The following PRDM15 variants were observed in gnomAD, a reference collection of about 807,000 sequenced individuals.
PRDM15 encodes the protein PR domain zinc finger protein 15.
Under a neutral mutation model 128.6 loss-of-function variants are expected in PRDM15, and 64 were observed. The ratio of observed to expected loss-of-function variants is 0.50; its 90% confidence interval spans 0.41 to 0.61. The LOEUF is 0.61. Among genes scored for constraint, PRDM15 ranks in the 20% least tolerant of loss-of-function variants. The probability of loss-of-function intolerance (pLI) is 0.00; values close to 1 mark genes in which losing one functional copy is unlikely to be tolerated. For missense variants in PRDM15, 1,242 were observed against 1,569.1 expected (o/e 0.79, Z 3.52); for synonymous variants, 615 against 621.8 (o/e 0.99, Z 0.16).
chr21:41,815,496 T>C (rs1412919695), intron 19 of PRDM15, among the ~76,000 whole-genome samples: 2 of 152,188 alleles, frequency 1.3e-5, no homozygotes, highest in Non-Finnish European at 2.9e-5. Flanking sequence ...TGCAGCATGC[T>C]CTCCGGTGAC....
rs959940842 is a variant in PRDM15 at position 41,812,682 on chromosome 21, T to C, written c.2393-1846A>G. 7 of 152,092 alleles carry C rather than the reference T, an allele frequency of 4.6e-5. 1 individual carries two copies. The highest frequency in any genetic ancestry group is 1.3e-4 in the Admixed American group (2 of 15,272). The allele number at this position is 152,092 out of a possible 1,614,324, so 9.4% of individuals were successfully genotyped here. On this transcript the variant is annotated intron_variant, in intron 19 of 23. Coordinates refer to ENST00000398548, the MANE Select transcript of PRDM15 (RefSeq NM_001040424.3). ...CCAACAGACGGCCACGTGAGGAAAG[T>C]TGAGAGGACATTCCTCAGAAGCTAA...
intron 1 of PRDM15, among the ~76,000 whole-genome samples, chr21:41,870,045 G>A (rs2146004915): frequency 6.6e-6 from 1 of 152,280 alleles, no homozygotes; most frequent in East Asian, 1.9e-4. Context: ...TGGGCAGAAT[G>A]GTTCCTCCCA....
Position 41,801,285 on chromosome 21 carries a change from G to C in PRDM15, c.3381C>G (p.Pro1127=). ...GCTGCTGCTGCTCCGCCTGCACCTG[G>C]GGCTGGGCCGCCTGCTGTGGGGGTG... ...PQAPPQQAAQ[P]QVQAEQQQQQ... The change falls in exon 24 of 24, where the codon CCC becomes CCG. Residue 1127 remains proline, a synonymous_variant. Transcript: ENST00000398548. 2.6e-6 allele frequency: 4 copies of C among 1,554,998 alleles called. No homozygotes were observed. Among genetic ancestry groups the C allele is most frequent in the Non-Finnish European group, 2.6e-6 (3 of 1,149,558 alleles).
rs112163465 is a variant in PRDM15 at position 41,816,105 on chromosome 21, C to T, written c.2261-269G>A. The stretch of plus-strand genomic sequence containing the variant: ...CCTGACCACGCGAGCAACGCCGGGG[C>T]GGTGGGTAAACTTCCCTGCGTGCCC... On this transcript the variant is annotated intron_variant, in intron 18 of 23. Transcript: ENST00000398548. Among the ~76,000 whole-genome samples, 34 of 152,362 alleles carry T rather than the reference C, an allele frequency of 2.2e-4. 1 individual carries two copies. Among genetic ancestry groups the T allele is most frequent in the African/African-American group, 6.3e-4 (26 of 41,580 alleles).
chr21:41,823,119 C>T (rs1055850863), intron 14 of PRDM15, 199 bp downstream of exon 14: 11 of 678,942 alleles, frequency 1.6e-5, no homozygotes, highest in South Asian at 6.3e-5. Context: ...GAGAAGGCGC[C>T]GTCTACGAAC....
At chr21:41,846,641 G>A (rs1329253068) in intron 6 of PRDM15, among the ~76,000 whole-genome samples, 1 of 152,232 alleles carries the variant, frequency 6.6e-6, no homozygotes, top group Non-Finnish European at 1.5e-5. Flanking sequence ...AGGCTGCAGT[G>A]AGCCACGATC....
chr21:41,846,342 C>T (rs2063263756), intron 6 of PRDM15, among the ~76,000 whole-genome samples: 1 of 152,258 alleles, frequency 6.6e-6, no homozygotes, highest in South Asian at 2.1e-4. Flanking sequence ...CAGAGCACTG[C>T]AGAAGCTGGA....
At chr21:41,822,074 C>G (rs747022800) in intron 14 of PRDM15, 37 bp from the exon 15 acceptor site, 1 of 1,611,650 alleles carries the variant, frequency 6.2e-7, no homozygotes, top group Non-Finnish European at 8.5e-7. Context: ...TCTAACAGCG[C>G]AGCAGACGCT....
chr21:41,836,201 T>C lies in PRDM15; in HGVS notation c.1190A>G (p.Lys397Arg). 4 of 1,613,910 alleles carry C rather than the reference T, an allele frequency of 2.5e-6. No homozygotes were observed. The highest frequency in any genetic ancestry group is 3.4e-6 in the Non-Finnish European group (4 of 1,179,896). Residue 397 changes from lysine (K) to arginine (R), a missense_variant, in exon 10 of 24, where the codon AAG (lysine) becomes AGG (arginine). By Grantham distance (26) the Lys-to-Arg change is conservative. Around this residue, in one of 3 missense-constraint regions of PRDM15, gnomAD observed 612 missense variants for 717.0 expected, o/e 0.85. Coordinates refer to ENST00000398548, the MANE Select transcript of PRDM15 (RefSeq NM_001040424.3). ...TGCACACTCTTCGCACTTAAACAGC[T>C]TGTCACCTGAGGAACCAACCAACAG... The part of the protein sequence containing the change: ...LSRHVRSHGD[K>R]LFKCEECAKL...
At chr21:41,830,245 C>G (rs2062636590) in intron 11 of PRDM15, among the ~76,000 whole-genome samples, 1 of 150,218 alleles carries the variant, frequency 6.7e-6, no homozygotes, top group Non-Finnish European at 1.5e-5. Context: ...TCAANACACA[C>G]CACACACACA....
intron 1 of PRDM15, chr21:41,861,666 A>AC: frequency 6.2e-7 from 1 of 1,613,738 alleles, no homozygotes; most frequent in Non-Finnish European, 8.5e-7. Flanking sequence ...CACGCCCTCC[A>AC]CCCCGCTCAT....
intron 13 of PRDM15, among the ~76,000 whole-genome samples, chr21:41,824,343 G>A (rs1249646133): frequency 6.6e-6 from 1 of 152,194 alleles, no homozygotes; most frequent in African/African-American, 2.4e-5. Context: ...GGTGAAAGGT[G>A]AGCAGGAGAG....
chr21:41,864,131 C>T lies in PRDM15; in HGVS notation c.-9-3759G>A, dbSNP rs1214273174. Among the ~76,000 whole-genome samples, 12 of 152,182 alleles carry T rather than the reference C, an allele frequency of 7.9e-5. No homozygotes were observed. The East Asian group carries it at 9.7e-4, about 12-fold the overall frequency. ...TGCTGGGATTACAGGTGTCAGCCAC[C>T]GCGCCTGGCCTGCATTTTTTTACAA... is the stretch of plus-strand genomic sequence containing the variant. On this transcript the variant is annotated intron_variant, in intron 1 of 23. Coordinates refer to ENST00000398548, the MANE Select transcript of PRDM15 (RefSeq NM_001040424.3).
At chr21:41,865,639 T>C (rs1347555933) in intron 1 of PRDM15, among the ~76,000 whole-genome samples, 3 of 152,208 alleles carry the variant, frequency 2.0e-5, no homozygotes, top group Admixed American at 1.3e-4. Flanking sequence ...CTCCCTTCAA[T>C]TACTCTCACA....
rs764913942 is a variant in PRDM15, at chr21:41,839,726, A to G, written c.768T>C (p.Asn256=). 6.2e-7 allele frequency: 1 copy of G among 1,614,148 alleles called. No homozygotes were observed. The highest frequency in any genetic ancestry group is 8.5e-7 in the Non-Finnish European group (1 of 1,180,024). Residue 256 remains asparagine, a synonymous_variant, in exon 7 of 24, where the codon AAT becomes AAC. Coordinates refer to ENST00000398548, the MANE Select transcript of PRDM15 (RefSeq NM_001040424.3). ...TTTTCTTCTGTTCTTTGGTGGCAAC[A>G]TTCTCGCTCTCGGGCACTGCAGGGG... ...GEPPAVPESE[N]VATKEQKKKP...
Position 41,836,453 on chromosome 21 carries a change from G to C in PRDM15, c.1183+15C>G, listed in dbSNP as rs1171481307. 3 of 1,600,078 alleles carry C rather than the reference G, an allele frequency of 1.9e-6. No individual in the cohort carries two copies. The highest frequency in any genetic ancestry group is 2.6e-6 in the Non-Finnish European group (3 of 1,170,692). ...GGCCCTGGCCCCGGGCGCCAGCCGG[G>C]CCTCGCGGACTCACCATGCGAGCGC... On this transcript the variant is annotated intron_variant, in intron 9 of 23. Transcript: ENST00000398548.
intron 1 of PRDM15, chr21:41,861,535 C>T (rs774238158): frequency 4.5e-6 from 6 of 1,347,312 alleles, no homozygotes; most frequent in Non-Finnish European, 5.1e-6. Context: ...TCCTCCTCTG[C>T]CCCCCCCCAA....
intron 23 of PRDM15, 54 bp from the exon 24 acceptor site, chr21:41,801,776 C>A (rs953779238): frequency 1.3e-6 from 2 of 1,568,992 alleles, no homozygotes; most frequent in African/African-American, 1.3e-5. Flanking sequence ...ATGGGGAACG[C>A]AAGGACCTCC....
intron 5 of PRDM15, among the ~76,000 whole-genome samples, chr21:41,852,800 G>A (rs185606811): frequency 2.1e-3 from 317 of 152,280 alleles, no homozygotes; most frequent in African/African-American, 7.4e-3. Flanking sequence ...GGGTTCAATA[G>A]TGGCTCCCCA....
Sources: allele counts gnomAD v4.1 joint callset (sites outside exome capture counted in the v4.1 genomes callset), GRCh38; gene constraint gnomAD v4.1.1; regional missense constraint gnomAD v4.1.1; transcripts MANE v1.5; gene names NCBI Gene and HGNC (gene_info 2026-07-23, HGNC 2026-07-21).